Variants in HTT observed in about 807,000 individuals in gnomAD.
HTT encodes huntington disease protein.
Under a neutral mutation model 362.3 loss-of-function variants are expected in HTT, and 104 were observed. That is an observed-to-expected ratio of 0.29 (90% confidence interval 0.24 to 0.34). The LOEUF (loss-of-function observed/expected upper bound fraction) is 0.34. HTT is among the 10% of genes least tolerant of loss of function. HTT has a pLI of 1.00. For synonymous variants in HTT, 1,577 were observed against 1,548.7 expected, an observed-to-expected ratio of 1.02 and a Z score of -0.43; for missense variants, 3,301 against 3,928.6, an observed-to-expected ratio of 0.84 and a Z score of 4.27.
intron 23 of HTT, among the ~76,000 whole-genome samples, chr4:3,143,862 C>G (rs571057366): frequency 6.6e-6 from 1 of 152,222 alleles, no homozygotes; most frequent in East Asian, 1.9e-4. Context: ...CTCGACCCCC[C>G]AAAGTGCTGG....
chr4:3,107,473 G>T lies in HTT; in HGVS notation c.747+50G>T, dbSNP rs375555019. The T allele has an allele frequency of 6.9e-6, 11 of 1,597,322 alleles. No individual in the cohort carries two copies. In the African/African-American group the frequency reaches 1.3e-4, roughly 19 times the overall value. On this transcript the variant is annotated intron_variant, in intron 6 of 66. Coordinates refer to ENST00000355072, the MANE Select transcript of HTT (RefSeq NM_001388492.1). The stretch of plus-strand genomic sequence containing the variant: ...AACATGCGAGTGATGCTGTGAGTGA[G>T]TCTGTGGAGGGTGAGGGCTTCTGAA...
Position 3,190,813 on chromosome 4 carries a change from GTT to G in HTT, c.5368+1722_5368+1723del, listed in dbSNP as rs553060882. 1.1e-4 allele frequency among the ~76,000 whole-genome samples: 17 copies of G among 152,322 alleles called. No individual in the cohort carries two copies. The East Asian group carries it at 3.3e-3, about 29-fold the overall frequency. On this transcript the variant is annotated intron_variant, in intron 40 of 66. Coordinates refer to ENST00000355072, the MANE Select transcript of HTT (RefSeq NM_001388492.1). ...AGTGTGTTTTCCAAGAAGAACGATC[GTT>G]TGTAATGAGAATGCTTTGCTTTAAA... is the stretch of plus-strand genomic sequence containing the variant.
intron 29 of HTT, among the ~76,000 whole-genome samples, chr4:3,163,824 AG>A (rs1213531876): frequency 2.6e-5 from 4 of 151,882 alleles, no homozygotes; most frequent in African/African-American, 9.7e-5. Flanking sequence ...CTTCTTTATT[AG>A]TCTTGCTAGC....
chr4:3,113,529 C>T (rs1219630619), intron 6 of HTT, among the ~76,000 whole-genome samples: 2 of 152,120 alleles, frequency 1.3e-5, no homozygotes, highest in African/African-American at 2.4e-5. Context: ...GGGGTTTCAC[C>T]ATGTTGGCCA....
chr4:3,116,407 G>C, intron 8 of HTT, 144 bp downstream of exon 8: 1 of 653,470 alleles, frequency 1.5e-6, no homozygotes. Context: ...CCTAGGTGCT[G>C]ACCTCTAGCT....
At chr4:3,103,944 A>G (rs769071262) in intron 4 of HTT, 61 bp downstream of exon 4, 12 of 937,682 alleles carry the variant, frequency 1.3e-5, no homozygotes, top group Non-Finnish European at 1.9e-5. Context: ...AGGTACACGT[A>G]TTTTGTAGGT....
At chr4:3,152,813 A>ATT (rs1181564097) in intron 26 of HTT, among the ~76,000 whole-genome samples, 41 of 132,306 alleles carry the variant, frequency 3.1e-4, no homozygotes, top group African/African-American at 8.2e-4. Context: ...TGCCTGGCTA[A>ATT]TTTTTTTTTT....
At chr4:3,086,879 A>G (rs1713236744) in intron 1 of HTT, 60 bp from the exon 2 acceptor site, 3 of 863,100 alleles carry the variant, frequency 3.5e-6, no homozygotes, top group Non-Finnish European at 3.9e-6. Flanking sequence ...AATGAGGTGT[A>G]GAACTAAGTG....
At position 3,129,986 on chromosome 4, in the gene HTT, TGAG is replaced by T. The variant is rs749495049; in HGVS notation, c.1809_1811del (p.Glu604del). The T allele has an allele frequency of 6.2e-7, 1 of 1,613,942 alleles. No homozygotes were observed. On this transcript the variant is annotated inframe_deletion, in exon 13 of 67. Transcript: ENST00000355072. ...AGATTGGACAGCCCCAGGATGAAGATGAGGAAGCCACAGGTATTCTTCCTGATG... is the reference window on the plus strand; with the variant it reads ...AGATTGGACAGCCCCAGGATGAAGATGAAGCCACAGGTATTCTTCCTGATG...
intron 18 of HTT, among the ~76,000 whole-genome samples, chr4:3,134,048 C>T (rs1417361244): frequency 2.0e-5 from 3 of 151,576 alleles, no homozygotes; most frequent in African/African-American, 4.9e-5. Context: ...TTGTTCCTAC[C>T]CCTGGGTCTG....
chr4:3,141,556 G>T (rs1415196416), intron 22 of HTT, among the ~76,000 whole-genome samples: 1 of 152,134 alleles, frequency 6.6e-6, no homozygotes, highest in Non-Finnish European at 1.5e-5. Flanking sequence ...TGAGCTCAGG[G>T]GTTCAAGACC....
At chr4:3,127,162 A>G (rs927075759) in intron 11 of HTT, 102 bp from the exon 12 acceptor site, 1 of 822,052 alleles carries the variant, frequency 1.2e-6, no homozygotes. Context: ...TGCAGCTGAA[A>G]CATTTGATAA....
chr4:3,175,194 A>T, intron 33 of HTT, 87 bp downstream of exon 33: 1 of 1,245,836 alleles, frequency 8.0e-7, no homozygotes, highest in Non-Finnish European at 1.1e-6. Flanking sequence ...ACTTTAAAGA[A>T]ATGTGGTCTG....
chr4:3,190,222 C>A (rs1718951767), intron 40 of HTT, among the ~76,000 whole-genome samples: 1 of 151,774 alleles, frequency 6.6e-6, no homozygotes, highest in Admixed American at 6.6e-5. Flanking sequence ...GGGCACATGC[C>A]TGTAGTCCCA....
At chr4:3,094,418 T>C (rs34179563) in intron 2 of HTT, among the ~76,000 whole-genome samples, 5,876 of 152,218 alleles carry the variant, frequency 0.039, 195 homozygotes, top group East Asian at 0.11. Context: ...CTGTTCTCAA[T>C]GAGCTATTGG....
At position 3,143,103 on chromosome 4, in the gene HTT, C is replaced by T. The variant is rs146488121; in HGVS notation, c.3066+217C>T. ...TTTTTCTGATTATTAAAGTAATACA[C>T]GCCCAAAATAAAAAAATTCAGCCAA... On this transcript the variant is annotated intron_variant, in intron 23 of 66. Transcript: ENST00000355072. 1.7e-3 allele frequency among the ~76,000 whole-genome samples: 257 copies of T among 152,128 alleles called. 2 individuals carry two copies. Among genetic ancestry groups the T allele is most frequent in the Admixed American group, 3.0e-3 (46 of 15,286 alleles).
At chr4:3,140,277 GA>G (rs1560565676) in intron 21 of HTT, among the ~76,000 whole-genome samples, 3 of 147,948 alleles carry the variant, frequency 2.0e-5, no homozygotes, top group East Asian at 2.0e-4. Context: ...AAAAAAAAAA[GA>G]AAAAAAGAAA....
At chr4:3,216,662 GC>G (rs1469021485) in intron 51 of HTT, among the ~76,000 whole-genome samples, 1 of 152,166 alleles carries the variant, frequency 6.6e-6, no homozygotes, top group Non-Finnish European at 1.5e-5. Flanking sequence ...CCCTCTTTAG[GC>G]AAGAGTGGGA....
chr4:3,130,561 G>T, intron 14 of HTT, 138 bp downstream of exon 14: 1 of 572,902 alleles, frequency 1.7e-6, no homozygotes, highest in South Asian at 2.8e-5. Context: ...GCTCTTCCCA[G>T]GCCTGTTGTT....
Sources: allele counts gnomAD v4.1 joint callset (sites outside exome capture counted in the v4.1 genomes callset), GRCh38; gene constraint gnomAD v4.1.1; transcripts MANE v1.5; gene names NCBI Gene and HGNC (gene_info 2026-07-23, HGNC 2026-07-21).